PHACTR1: variants seen among roughly 807,000 people sequenced by gnomAD.
The protein encoded by PHACTR1 is RPEL repeat containing 1.
Under a neutral mutation model 69.2 loss-of-function variants are expected in PHACTR1, and 16 were observed. The ratio of observed to expected loss-of-function variants is 0.23; its 90% CI spans 0.16 to 0.35. The LOEUF (loss-of-function observed/expected upper bound fraction) is 0.35. Ranked by LOEUF, PHACTR1 falls within the 10% of genes least tolerant of loss-of-function variation. The pLI is 1.00. For synonymous variants in PHACTR1, 312 were observed against 284.5 expected (o/e 1.10, Z -0.97); for missense variants, 510 against 734.7 (o/e 0.69, Z 3.54).
At chr6:13,108,999 G>A (rs1816595309) in intron 5 of PHACTR1, among the ~76,000 whole-genome samples, 1 of 151,764 alleles carries the variant, frequency 6.6e-6, no homozygotes, top group Non-Finnish European at 1.5e-5. Context: ...ATTGCTCTGG[G>A]ATTTACTACA....
intron 4 of PHACTR1, among the ~76,000 whole-genome samples, chr6:13,035,839 T>G (rs1485711243): frequency 6.6e-6 from 1 of 152,126 alleles, no homozygotes. Flanking sequence ...AGGTCATCAG[T>G]CATTCCTTTA....
At chr6:12,936,826 A>C (rs1789502528) in intron 4 of PHACTR1, among the ~76,000 whole-genome samples, 1 of 152,218 alleles carries the variant, frequency 6.6e-6, no homozygotes, top group Non-Finnish European at 1.5e-5. Flanking sequence ...AGTCTTGAGT[A>C]ACCCAAAACA....
intron 4 of PHACTR1, among the ~76,000 whole-genome samples, chr6:13,026,746 T>A (rs1337141423): frequency 1.3e-5 from 2 of 151,880 alleles, no homozygotes; most frequent in Non-Finnish European, 2.9e-5. Context: ...GATGGCAGCG[T>A]TGTTGCTGCT....
At chr6:12,826,279 C>T (rs1475703301) in intron 4 of PHACTR1, among the ~76,000 whole-genome samples, 1 of 152,128 alleles carries the variant, frequency 6.6e-6, no homozygotes, top group African/African-American at 2.4e-5. Context: ...AAATGTGTCT[C>T]CCCCTACACA....
intron 12 of PHACTR1, chr6:13,280,934 C>A (rs1780031599): frequency 7.8e-7 from 1 of 1,287,656 alleles, no homozygotes; most frequent in African/African-American, 1.5e-5. Flanking sequence ...CCCATGCACA[C>A]AGAGGAGCGT....
intron 4 of PHACTR1, among the ~76,000 whole-genome samples, chr6:13,013,339 G>T (rs1216588991): frequency 2.0e-5 from 3 of 152,272 alleles, no homozygotes; most frequent in African/African-American, 7.2e-5. Context: ...CTGCTCCAGT[G>T]AAAGTCAAGG....
chr6:13,029,518 C>T (rs548500442), intron 4 of PHACTR1, among the ~76,000 whole-genome samples: 1 of 152,186 alleles, frequency 6.6e-6, no homozygotes, highest in South Asian at 2.1e-4. Flanking sequence ...ATAGTACTGC[C>T]ATCATTCAGC....
chr6:12,952,709 CA>C lies in PHACTR1; in HGVS notation c.251-100654del, dbSNP rs538789699. On this transcript the variant is annotated intron_variant, in intron 4 of 14. Coordinates refer to ENST00000332995, the MANE Select transcript of PHACTR1 (RefSeq NM_030948.6). ...GATTTTTGTGTGGACATGAAGTTTTCAACTCCTTTGTGTAGATACCAAGGAA... is the reference window on the plus strand; with the variant it reads ...GATTTTTGTGTGGACATGAAGTTTTCACTCCTTTGTGTAGATACCAAGGAA... Among the ~76,000 whole-genome samples, 7 of 152,060 alleles carry C rather than the reference CA, an allele frequency of 4.6e-5. No homozygotes were observed. In the East Asian group the frequency reaches 1.4e-3, roughly 29 times the overall value.
intron 10 of PHACTR1, among the ~76,000 whole-genome samples, chr6:13,248,684 C>T (rs544176506): frequency 5.3e-5 from 8 of 152,168 alleles, no homozygotes; most frequent in South Asian, 2.1e-4. Context: ...AATTAGTAGA[C>T]GGGGCAATAA....
At chr6:13,132,743 AAG>A (rs1820672398) in intron 5 of PHACTR1, among the ~76,000 whole-genome samples, 1 of 151,624 alleles carries the variant, frequency 6.6e-6, no homozygotes, top group Non-Finnish European at 1.5e-5. Context: ...AAAAAAAAAA[AAG>A]TGAATGATCA....
chr6:12,934,018 C>G, intron 4 of PHACTR1: 1 of 1,471,654 alleles, frequency 6.8e-7, no homozygotes, highest in Non-Finnish European at 9.0e-7. Flanking sequence ...AATTTGCTCT[C>G]TGATGGTTCT....
intron 4 of PHACTR1, chr6:12,957,798 C>T (rs1792089138): frequency 1.0e-6 from 1 of 985,440 alleles, no homozygotes; most frequent in African/African-American, 1.7e-5. Context: ...CTCCCCTTCT[C>T]CATTCCATCC....
At chr6:13,093,587 C>G (rs1390314497) in intron 5 of PHACTR1, among the ~76,000 whole-genome samples, 1 of 152,212 alleles carries the variant, frequency 6.6e-6, no homozygotes, top group Non-Finnish European at 1.5e-5. Flanking sequence ...CTAACATAGA[C>G]AACTCAGTAC....
intron 5 of PHACTR1, among the ~76,000 whole-genome samples, chr6:13,110,867 A>C (rs1583404223): frequency 6.6e-6 from 1 of 152,102 alleles, no homozygotes; most frequent in African/African-American, 2.4e-5. Flanking sequence ...TCATGGCTGG[A>C]AGCTGAAATT....
intron 4 of PHACTR1, among the ~76,000 whole-genome samples, chr6:13,047,864 G>A (rs937410454): frequency 5.9e-5 from 9 of 152,024 alleles, no homozygotes; most frequent in Non-Finnish European, 8.8e-5. Context: ...GAAATATGGT[G>A]TACCTGAGGA....
intron 4 of PHACTR1, chr6:12,934,068 C>T (rs1040139987): frequency 8.3e-6 from 11 of 1,317,792 alleles, no homozygotes; most frequent in African/African-American, 4.4e-5. Context: ...GGTGGGGCCA[C>T]GGTCCTTTTG....
intron 5 of PHACTR1, among the ~76,000 whole-genome samples, chr6:13,090,490 T>A (rs1201886800): frequency 6.6e-6 from 1 of 151,748 alleles, no homozygotes; most frequent in East Asian, 1.9e-4. Flanking sequence ...CATGCCCGGC[T>A]AATTTTTGTA....
At chr6:12,799,627 T>G (rs1157610532) in intron 4 of PHACTR1, among the ~76,000 whole-genome samples, 1 of 152,176 alleles carries the variant, frequency 6.6e-6, no homozygotes, top group Non-Finnish European at 1.5e-5. Flanking sequence ...CAGCCACCAT[T>G]GCTAGAAACT....
intron 10 of PHACTR1, among the ~76,000 whole-genome samples, chr6:13,234,202 G>A (rs778177759): frequency 1.1e-4 from 16 of 152,258 alleles, no homozygotes; most frequent in Non-Finnish European, 2.2e-4. Flanking sequence ...CTGTGGTAGA[G>A]AGCGAGCTAC....
Sources: gnomAD v4.1 joint callset for allele counts (sites outside exome capture counted in the v4.1 genomes callset) on GRCh38, gnomAD v4.1.1 for gene constraint, MANE v1.5 for transcripts, NCBI Gene and HGNC (gene_info 2026-07-23, HGNC 2026-07-21) for gene names.